PDE4C: variants seen among roughly 807,000 people sequenced by gnomAD.
PDE4C encodes the protein phosphodiesterase 4C, also known as 3',5'-cyclic-AMP phosphodiesterase 4C.
In PDE4C, 50 loss-of-function variants were observed where a neutral mutation model predicts 63.9. The ratio of observed to expected loss-of-function variants is 0.78; its 90% confidence interval spans 0.62 to 0.99. The LOEUF (loss-of-function observed/expected upper bound fraction) is 0.99. Among genes scored for constraint, PDE4C ranks in the 50% least tolerant of loss-of-function variants. The probability of loss-of-function intolerance (pLI) is 0.00; values close to 1 mark genes in which losing one functional copy is unlikely to be tolerated. For synonymous variants in PDE4C, 377 were observed against 385.1 expected, an observed-to-expected ratio of 0.98 and a Z score of 0.25; for missense variants, 777 against 899.1, an observed-to-expected ratio of 0.86 and a Z score of 1.74.
chr19:18,222,700 CTTTTTT>C (rs1199712120), intron 1 of PDE4C, among the ~76,000 whole-genome samples: 6 of 53,368 alleles, frequency 1.1e-4, no homozygotes, highest in South Asian at 1.7e-3. Context: ...CCTTTCTTTT[CTTTTTT>C]TTTTTTTTTT....
At chr19:18,253,134 G>A (rs767021811), upstream of PDE4C, among the ~76,000 whole-genome samples, 2 of 152,108 alleles carry the variant, frequency 1.3e-5, no homozygotes, top group Non-Finnish European at 2.9e-5. Context: ...TGCATCCCAG[G>A]CAGTGCTGGG....
At chr19:18,238,572 C>T (rs1008207981), upstream of PDE4C, among the ~76,000 whole-genome samples, 3 of 151,900 alleles carry the variant, frequency 2.0e-5, no homozygotes, top group Admixed American at 6.6e-5. Context: ...ATAAATAAAA[C>T]AGTATGTTTA....
At chr19:18,227,272 G>A (rs753448033), upstream of PDE4C, among the ~76,000 whole-genome samples, 1 of 152,106 alleles carries the variant, frequency 6.6e-6, no homozygotes, top group Non-Finnish European at 1.5e-5. Context: ...CACGGGCATG[G>A]GTCTTTGTTG....
At chr19:18,224,509 A>G in intron 1 of PDE4C, 22 of 985,486 alleles carry the variant, frequency 2.2e-5, no homozygotes, top group Non-Finnish European at 2.7e-5. Context: ...CTTGGTCACG[A>G]AGAGTTTGTT....
chr19:18,250,251 A>G (rs115825474), upstream of PDE4C: 4,644 of 399,032 alleles, frequency 0.012, 205 homozygotes, highest in African/African-American at 0.087. Context: ...TGCTTGGGAT[A>G]GCAGCTCCCC....
At chr19:18,211,765 C>T in exon 14 of PDE4C, 1 of 1,614,230 alleles carries the variant, frequency 6.2e-7, no homozygotes, top group Non-Finnish European at 8.5e-7. Context: ...CAACCTGGGA[C>T]TTCTCCACTG....
chr19:18,215,401 C>A (rs1167203446), intron 12 of PDE4C, among the ~76,000 whole-genome samples: 1 of 151,648 alleles, frequency 6.6e-6, no homozygotes, highest in African/African-American at 2.4e-5. Context: ...TTGCACAGAT[C>A]AAGCACACAA....
chr19:18,211,160 G>T (rs767800939), exon 15 of PDE4C: 13 of 1,614,020 alleles, frequency 8.1e-6, no homozygotes, highest in African/African-American at 1.3e-5. Context: ...GGGGGATCTT[G>T]CTCTGGTACC....
At chr19:18,249,013 G>A (rs368272398), upstream of PDE4C, among the ~76,000 whole-genome samples, 103 of 136,362 alleles carry the variant, frequency 7.6e-4, no homozygotes, top group Non-Finnish European at 1.3e-3. Flanking sequence ...CAACAAGAGC[G>A]AAACTCCATC....
Position 18,217,043 on chromosome 19 carries a change from C to G in PDE4C, c.1235-148G>C, listed in dbSNP as rs954593112. ...CCTCCTGTAAGAAACCATCCAGGTC[C>G]CTGGCGCTTCCCTGACTGCAGGGCT... On this transcript the variant is annotated intron_variant, in intron 11 of 14. Coordinates refer to ENST00000262805, the Ensembl canonical transcript of PDE4C. 8 of 814,576 alleles carry G rather than the reference C, an allele frequency of 9.8e-6. No homozygotes were observed. In the East Asian group the frequency reaches 1.4e-4, roughly 14 times the overall value. 50.5% of individuals were successfully genotyped at this position (814,576 alleles called of 1,614,324 possible).
intron 1 of PDE4C, chr19:18,232,827 G>T (rs1312650543): frequency 8.7e-7 from 1 of 1,154,470 alleles, no homozygotes; most frequent in Non-Finnish European, 1.2e-6. Flanking sequence ...CCTTCCAGGC[G>T]CCAGCCTCAA....
At chr19:18,226,873 T>C (rs141268439), upstream of PDE4C, among the ~76,000 whole-genome samples, 755 of 152,144 alleles carry the variant, frequency 5.0e-3, 15 homozygotes, top group Admixed American at 0.037. Flanking sequence ...CGCAAAGTGC[T>C]GGGATTATAG....
At chr19:18,237,872 C>CAAAAAAA (rs57462449), upstream of PDE4C, among the ~76,000 whole-genome samples, 5 of 94,884 alleles carry the variant, frequency 5.3e-5, no homozygotes, top group East Asian at 2.9e-4. Flanking sequence ...GACTCCATCT[C>CAAAAAAA]AAAAAAAAAA....
At chr19:18,222,319 C>A in exon 2 of PDE4C, 1 of 1,608,918 alleles carries the variant, frequency 6.2e-7, no homozygotes, top group South Asian at 1.1e-5. Flanking sequence ...TTTTCCAGGT[C>A]AAAGCTGAAA....
intron 1 of PDE4C, among the ~76,000 whole-genome samples, chr19:18,231,563 G>A (rs1210043070): frequency 2.6e-5 from 4 of 152,138 alleles, no homozygotes; most frequent in Non-Finnish European, 5.9e-5. Flanking sequence ...GGGGGCGAGA[G>A]GCCAGGCTTG....
chr19:18,212,470 C>G (rs1967995072), intron 13 of PDE4C, among the ~76,000 whole-genome samples: 1 of 129,162 alleles, frequency 7.7e-6, no homozygotes, highest in African/African-American at 2.7e-5. Flanking sequence ...CCACTGAGCC[C>G]AGCTTTTTTT....
chr19:18,227,892 C>T (rs546055744), upstream of PDE4C, among the ~76,000 whole-genome samples: 71 of 152,278 alleles, frequency 4.7e-4, no homozygotes, highest in African/African-American at 1.7e-3. Context: ...AGGCCAGATA[C>T]ATGAGAGTCT....
intron 12 of PDE4C, among the ~76,000 whole-genome samples, chr19:18,215,659 T>A (rs566635639): frequency 6.6e-6 from 1 of 150,940 alleles, no homozygotes; most frequent in East Asian, 2.0e-4. Flanking sequence ...AGACTACAGG[T>A]GCATGCCACC....
the PDE4C span, chr19:18,255,345 G>A: frequency 6.0e-5 from 24 of 398,902 alleles, no homozygotes; most frequent in Admixed American, 2.2e-4. The surrounding 1 kb of genome is among the most constrained non-coding windows in gnomAD (Gnocchi z 4.6). Context: ...CTCTGCACAG[G>A]TGTGTGGCCA....
Sources: allele counts gnomAD v4.1 joint callset (sites outside exome capture counted in the v4.1 genomes callset), GRCh38; gene constraint gnomAD v4.1.1; non-coding constraint Gnocchi (gnomAD v3.1); transcripts MANE v1.5; gene names NCBI Gene and HGNC (gene_info 2026-07-23, HGNC 2026-07-21).